The following STRA6 variants were observed in gnomAD, a reference collection of about 807,000 sequenced individuals.
STRA6 encodes signaling receptor and transporter of retinol STRA6.
Under a neutral mutation model 83.6 loss-of-function variants are expected in STRA6, and 48 were observed. The observed-to-expected ratio is 0.57, with a 90% CI of 0.46 to 0.73. The LOEUF is 0.73. STRA6 is among the 30% of genes least tolerant of loss of function. STRA6 has a pLI of 0.00. For synonymous variants in STRA6, 353 were observed against 362.3 expected (o/e 0.97, Z 0.29); for missense variants, 760 against 838.8 (o/e 0.91, Z 1.16).
At chr15:74,204,662 G>A (rs1408188064), upstream of STRA6, among the ~76,000 whole-genome samples, 1 of 152,230 alleles carries the variant, frequency 6.6e-6, no homozygotes, top group South Asian at 2.1e-4. Flanking sequence ...GCCAGGTGTG[G>A]TGGCTTACAC....
intron 13 of STRA6, among the ~76,000 whole-genome samples, chr15:74,184,774 G>A (rs977935872): frequency 6.6e-5 from 10 of 152,172 alleles, no homozygotes; most frequent in East Asian, 3.9e-4. Context: ...ACTCACAGAC[G>A]TTTCCCCAAC....
chr15:74,195,739 C>T, intron 5 of STRA6, 64 bp from the exon 6 acceptor site: 3 of 956,736 alleles, frequency 3.1e-6, no homozygotes, highest in Non-Finnish European at 4.9e-6. Flanking sequence ...ATATATAATG[C>T]TTAGCATGGT....
chr15:74,193,678 T>C (rs530458247), intron 8 of STRA6, 122 bp downstream of exon 8: 8 of 1,523,636 alleles, frequency 5.3e-6, no homozygotes, highest in Admixed American at 3.4e-5. Flanking sequence ...AAACATTTTC[T>C]GAGCATCTAT....
At chr15:74,186,830 A>C (rs972332619) in intron 12 of STRA6, among the ~76,000 whole-genome samples, 1 of 152,116 alleles carries the variant, frequency 6.6e-6, no homozygotes, top group Non-Finnish European at 1.5e-5. Flanking sequence ...CCCCACTCTG[A>C]GAGTTTCTGA....
At chr15:74,207,704 G>A (rs2074292084), upstream of STRA6, 1 of 1,535,714 alleles carries the variant, frequency 6.5e-7, no homozygotes, top group Non-Finnish European at 8.7e-7. Flanking sequence ...CACCTGTGCA[G>A]CCCAGTCCCC....
chr15:74,180,941 G>C lies in STRA6; in HGVS notation c.1685-4C>G. 6.2e-7 allele frequency: 1 copy of C among 1,613,682 alleles called. No homozygotes were observed. Among genetic ancestry groups the C allele is most frequent in the Non-Finnish European group, 8.5e-7 (1 of 1,179,914 alleles). ...AAGTTTCGGTACGTGTAGTAGCCTG[G>C]GGTGGGGTGGCGGATGGCAATGCTG... On this transcript the variant is annotated splice_polypyrimidine_tract_variant and splice_region_variant and intron_variant, in intron 17 of 18. Transcript: ENST00000395105.
chr15:74,197,472 A>G (rs1357908310), intron 3 of STRA6, 49 bp from the exon 4 acceptor site: 1 of 1,469,528 alleles, frequency 6.8e-7, no homozygotes, highest in African/African-American at 1.4e-5. Flanking sequence ...GCCTCCCCTG[A>G]GGGTCTGAGT....
At chr15:74,184,855 G>T (rs2073162733) in intron 13 of STRA6, 125 bp downstream of exon 13, 1 of 928,720 alleles carries the variant, frequency 1.1e-6, no homozygotes, top group African/African-American at 1.6e-5. Flanking sequence ...GCACAGGTGG[G>T]CTCCATGACA....
At chr15:74,208,634 G>A (rs2074316068) in intron 1 of STRA6, among the ~76,000 whole-genome samples, 1 of 151,970 alleles carries the variant, frequency 6.6e-6, no homozygotes, top group African/African-American at 2.4e-5. Context: ...CCCACCCCAG[G>A]TCTCCAAACT....
At chr15:74,192,581 C>A (rs2073600837) in intron 8 of STRA6, among the ~76,000 whole-genome samples, 1 of 152,186 alleles carries the variant, frequency 6.6e-6, no homozygotes, top group African/African-American at 2.4e-5. Flanking sequence ...TTGAGCAGTA[C>A]ACCCTCAGGA....
intron 7 of STRA6, 89 bp from the exon 8 acceptor site, chr15:74,194,011 G>T (rs1460984587): frequency 6.3e-7 from 1 of 1,578,382 alleles, no homozygotes; most frequent in African/African-American, 1.4e-5. Flanking sequence ...CCTCACACTG[G>T]GCCCTGAGGG....
chr15:74,195,007 A>C (rs534286933), intron 7 of STRA6: 65 of 1,434,164 alleles, frequency 4.5e-5, no homozygotes, highest in Non-Finnish European at 5.6e-5. Context: ...TAACACAGGC[A>C]TTGGGGGTGG....
At position 74,188,364 on chromosome 15, in the gene STRA6, G is replaced by A. The variant is rs2142019949; in HGVS notation, c.1090+751C>T. Among the ~76,000 whole-genome samples, 1 of 152,378 alleles carries A rather than the reference G, an allele frequency of 6.6e-6. No individual in the cohort carries two copies. The highest frequency in any genetic ancestry group is 1.5e-5 in the Non-Finnish European group (1 of 68,036). On this transcript the variant is annotated intron_variant, in intron 12 of 18. Coordinates refer to ENST00000395105, the MANE Select transcript of STRA6 (RefSeq NM_022369.4). This position sits in a 1 kb window ranked among gnomAD's most constrained non-coding sequence, Gnocchi z 4.5. ...GTCCCAGCCTGGGGTCCCCAAGTAA[G>A]CAGAAGGCGCATGCCTCCTGAGTCC...
At chr15:74,194,056 T>A in intron 7 of STRA6, 134 bp from the exon 8 acceptor site, 7 of 1,444,232 alleles carry the variant, frequency 4.8e-6, no homozygotes, top group Non-Finnish European at 6.7e-6. Context: ...TTCAGCTCTA[T>A]GGTTCCCAAC....
intron 2 of STRA6, among the ~76,000 whole-genome samples, chr15:74,201,006 C>G (rs2074032617): frequency 6.6e-6 from 1 of 152,252 alleles, no homozygotes; most frequent in Admixed American, 6.5e-5. Context: ...TCATTCTGGT[C>G]TCTCGCAGGC....
intron 14 of STRA6, 154 bp downstream of exon 14, chr15:74,183,702 A>AG: frequency 6.3e-7 from 1 of 1,578,394 alleles, no homozygotes; most frequent in South Asian, 1.1e-5. Flanking sequence ...AGGGCAGGGA[A>AG]GGCAGGGGGG....
intron 2 of STRA6, among the ~76,000 whole-genome samples, chr15:74,201,314 T>A (rs892756810): frequency 1.3e-5 from 2 of 152,150 alleles, no homozygotes; most frequent in Non-Finnish European, 2.9e-5. Context: ...ACCCCCAGCC[T>A]CACCTTTCTA....
At chr15:74,194,828 GA>G in intron 7 of STRA6, 1 of 1,340,598 alleles carries the variant, frequency 7.5e-7, no homozygotes, top group South Asian at 2.4e-5. Flanking sequence ...TTGAGTTCTA[GA>G]CTGGACAGCT....
upstream of STRA6, chr15:74,209,509 A>G: frequency 7.0e-7 from 1 of 1,435,022 alleles, no homozygotes; most frequent in Non-Finnish European, 9.4e-7. Flanking sequence ...GGGAGTCATC[A>G]CAGGGCTTCA....
Sources: allele counts gnomAD v4.1 joint callset (sites outside exome capture counted in the v4.1 genomes callset), GRCh38; gene constraint gnomAD v4.1.1; non-coding constraint Gnocchi (gnomAD v3.1); transcripts MANE v1.5; gene names NCBI Gene and HGNC (gene_info 2026-07-23, HGNC 2026-07-21).